The following GALNTL6 variants were observed in gnomAD, a reference collection of about 807,000 sequenced individuals.
GALNTL6 encodes polypeptide N-acetylgalactosaminyltransferase-like 6.
Under a neutral mutation model 73.7 loss-of-function variants are expected in GALNTL6, and 46 were observed. That is an observed-to-expected ratio of 0.62 (90% confidence interval 0.49 to 0.80). GALNTL6 has a LOEUF of 0.80. GALNTL6 is among the 30% of genes least tolerant of loss of function. The probability of loss-of-function intolerance (pLI) is 0.00; values close to 1 mark genes in which losing one functional copy is unlikely to be tolerated. For missense variants in GALNTL6, 604 were observed against 755.0 expected (o/e 0.80, Z 2.34); for synonymous variants, 259 against 263.7 (o/e 0.98, Z 0.17).
chr4:172,741,264 T>A (rs1257672432), intron 5 of GALNTL6, among the ~76,000 whole-genome samples: 3 of 152,086 alleles, frequency 2.0e-5, no homozygotes, highest in African/African-American at 7.2e-5. Flanking sequence ...GCTTTGGGTA[T>A]CTCTGAAGGG....
chr4:172,981,031 GT>G lies in GALNTL6; in HGVS notation c.1372-28144del, dbSNP rs143376009. 2.3e-3 allele frequency among the ~76,000 whole-genome samples: 350 copies of G among 152,154 alleles called. 8 individuals are homozygous for G. The East Asian group carries it at 0.064, about 28-fold the overall frequency. ...ATGTCGTTGTATGTATCAGAACTTG[GT>G]TTCTTTTTAAGGCTGAATAATACTC... On this transcript the variant is annotated intron_variant, in intron 10 of 12. Transcript: ENST00000506823.
intron 2 of GALNTL6, among the ~76,000 whole-genome samples, chr4:171,971,346 G>A (rs371000858): frequency 1.3e-5 from 2 of 152,166 alleles, no homozygotes; most frequent in Non-Finnish European, 2.9e-5. Flanking sequence ...GGACTACAAG[G>A]TTCCAAAGAC....
At chr4:172,881,716 A>G (rs1377385839) in intron 7 of GALNTL6, among the ~76,000 whole-genome samples, 2 of 152,190 alleles carry the variant, frequency 1.3e-5, no homozygotes, top group African/African-American at 4.8e-5. Flanking sequence ...AAAGTTTTCA[A>G]AACTGTCACT....
chr4:171,980,783 T>G (rs1579027933), intron 2 of GALNTL6, among the ~76,000 whole-genome samples: 1 of 152,174 alleles, frequency 6.6e-6, no homozygotes, highest in African/African-American at 2.4e-5. Context: ...AAACAAATCT[T>G]AAAGTCTCTA....
intron 5 of GALNTL6, among the ~76,000 whole-genome samples, chr4:172,398,404 G>A (rs1019285247): frequency 5.3e-5 from 8 of 152,146 alleles, no homozygotes; most frequent in African/African-American, 1.7e-4. Flanking sequence ...TGATAATGAA[G>A]TGAGTGCTAT....
chr4:171,955,552 C>T (rs547753), intron 2 of GALNTL6, among the ~76,000 whole-genome samples: 72,249 of 151,766 alleles, frequency 0.48, 17,686 homozygotes, highest in Middle Eastern at 0.6. Context: ...TTCCTGTATA[C>T]TTTAAATCAT....
chr4:172,541,687 G>A (rs539212647), intron 5 of GALNTL6, among the ~76,000 whole-genome samples: 1 of 152,310 alleles, frequency 6.6e-6, no homozygotes, highest in East Asian at 1.9e-4. Flanking sequence ...CCCTTGGGGT[G>A]GACTGTCCGC....
intron 9 of GALNTL6, among the ~76,000 whole-genome samples, chr4:172,932,079 T>G (rs1394231786): frequency 1.3e-5 from 2 of 152,212 alleles, no homozygotes; most frequent in African/African-American, 2.4e-5. Context: ...AAATCCTGAA[T>G]TATTCATTTT....
chr4:172,096,392 T>C (rs141252418), intron 2 of GALNTL6, among the ~76,000 whole-genome samples: 1 of 152,294 alleles, frequency 6.6e-6, no homozygotes, highest in East Asian at 1.9e-4. Context: ...ACTGCCGGGC[T>C]TGGCCTCTGT....
At chr4:172,316,913 G>C (rs531392547) in intron 4 of GALNTL6, among the ~76,000 whole-genome samples, 1 of 152,186 alleles carries the variant, frequency 6.6e-6, no homozygotes, top group Non-Finnish European at 1.5e-5. Flanking sequence ...AGGCAAGCAG[G>C]TTCCAAAGCA....
intron 5 of GALNTL6, among the ~76,000 whole-genome samples, chr4:172,651,728 A>G (rs1740484469): frequency 1.3e-5 from 2 of 152,224 alleles, no homozygotes; most frequent in African/African-American, 4.8e-5. Flanking sequence ...CCTCCTCCCC[A>G]GACAAGGCTG....
rs540728135 is a variant in GALNTL6 at position 172,873,702 on chromosome 4, A to G, written c.924-9088A>G. 3.9e-5 allele frequency among the ~76,000 whole-genome samples: 6 copies of G among 152,334 alleles called. No individual in the cohort carries two copies. In the South Asian group the frequency reaches 1.2e-3, roughly 32 times the overall value. On this transcript the variant is annotated intron_variant, in intron 7 of 12. Coordinates refer to ENST00000506823, the MANE Select transcript of GALNTL6 (RefSeq NM_001034845.3). ...GATGCTTTTTTCCAGACTTTTGATA[A>G]GTTATACCTGTAGACTTTTTGCTTA... is the stretch of plus-strand genomic sequence containing the variant.
intron 2 of GALNTL6, among the ~76,000 whole-genome samples, chr4:172,137,679 T>C (rs1733674425): frequency 6.6e-6 from 1 of 152,146 alleles, no homozygotes; most frequent in Admixed American, 6.5e-5. Flanking sequence ...GAAGGGTAGG[T>C]AAGAAACCAC....
chr4:172,464,543 A>G (rs1038602709), intron 5 of GALNTL6, among the ~76,000 whole-genome samples: 8 of 151,932 alleles, frequency 5.3e-5, no homozygotes, highest in Admixed American at 3.9e-4. Context: ...CCTTGTCTCT[A>G]CTAAAAATAC....
chr4:172,568,607 A>T (rs1276732582), intron 5 of GALNTL6, among the ~76,000 whole-genome samples: 1 of 151,284 alleles, frequency 6.6e-6, no homozygotes, highest in Non-Finnish European at 1.5e-5. Flanking sequence ...ATACAAAAAA[A>T]ATTAGCCGGG....
chr4:172,938,823 C>G (rs1725968186), intron 9 of GALNTL6, among the ~76,000 whole-genome samples: 1 of 152,232 alleles, frequency 6.6e-6, no homozygotes, highest in Non-Finnish European at 1.5e-5. Flanking sequence ...CCTCAAAACT[C>G]AGCCCTCATA....
intron 10 of GALNTL6, among the ~76,000 whole-genome samples, chr4:172,975,819 C>T (rs942937331): frequency 6.6e-5 from 10 of 152,194 alleles, no homozygotes; most frequent in African/African-American, 2.2e-4. Context: ...CCAGGCTCAG[C>T]CTCAACTTTG....
At chr4:172,598,825 C>A (rs2111018159) in intron 5 of GALNTL6, among the ~76,000 whole-genome samples, 1 of 152,180 alleles carries the variant, frequency 6.6e-6, no homozygotes, top group South Asian at 2.1e-4. Context: ...ATAAATGTTA[C>A]CCAGTAATTA....
intron 5 of GALNTL6, among the ~76,000 whole-genome samples, chr4:172,767,667 C>CTTTTT (rs1553986523): frequency 2.5e-4 from 29 of 118,098 alleles, no homozygotes; most frequent in Admixed American, 3.9e-4. Flanking sequence ...GATTTTTTTT[C>CTTTTT]TTTTTTTTTT....
Sources: gnomAD v4.1 joint callset for allele counts (sites outside exome capture counted in the v4.1 genomes callset) on GRCh38, gnomAD v4.1.1 for gene constraint, MANE v1.5 for transcripts, NCBI Gene and HGNC (gene_info 2026-07-23, HGNC 2026-07-21) for gene names.